SNTB2: variants seen among roughly 807,000 people sequenced by gnomAD.
SNTB2 encodes the protein beta-2-syntrophin.
SNTB2 carries 34 observed loss-of-function variants against 46.2 expected under a neutral mutation model. The observed-to-expected ratio is 0.74, with a 90% confidence interval of 0.56 to 0.98. The LOEUF (loss-of-function observed/expected upper bound fraction) is 0.98, where lower values mean the gene tolerates loss of function less well. SNTB2 is among the 50% of genes least tolerant of loss of function. SNTB2 has a pLI of 0.00. For missense variants in SNTB2, 603 were observed against 731.4 expected, an observed-to-expected ratio of 0.82 and a Z score of 2.02; for synonymous variants, 290 against 312.6, an observed-to-expected ratio of 0.93 and a Z score of 0.76.
chr16:69,288,688 G>A (rs778500888), intron 5 of SNTB2, among the ~76,000 whole-genome samples: 30 of 152,260 alleles, frequency 2.0e-4, no homozygotes, highest in Non-Finnish European at 2.6e-4. Flanking sequence ...CTACTATTGA[G>A]TATTTATCCA....
At chr16:69,281,350 G>A (rs1418444235) in intron 4 of SNTB2, among the ~76,000 whole-genome samples, 1 of 151,788 alleles carries the variant, frequency 6.6e-6, no homozygotes, top group East Asian at 1.9e-4. Context: ...TCCTGTCTCA[G>A]CCTCCTGAGT....
intron 4 of SNTB2, among the ~76,000 whole-genome samples, chr16:69,280,498 C>T (rs1403546810): frequency 3.3e-5 from 5 of 149,960 alleles, no homozygotes; most frequent in South Asian, 2.1e-4. Context: ...GGGCTGACCC[C>T]CCCACCTCCC....
intron 4 of SNTB2, among the ~76,000 whole-genome samples, chr16:69,277,933 G>A (rs1964997772): frequency 6.6e-6 from 1 of 152,218 alleles, no homozygotes; most frequent in Non-Finnish European, 1.5e-5. Flanking sequence ...TGTAATCCCT[G>A]CACTTTGGGA....
intron 4 of SNTB2, among the ~76,000 whole-genome samples, chr16:69,276,399 C>A (rs1485260867): frequency 1.3e-5 from 2 of 152,216 alleles, no homozygotes; most frequent in Admixed American, 6.5e-5. Context: ...GAATTAGATT[C>A]CCTTTGCCAA....
At chr16:69,259,601 T>C (rs1336137681) in intron 2 of SNTB2, among the ~76,000 whole-genome samples, 1 of 146,354 alleles carries the variant, frequency 6.8e-6, no homozygotes, top group African/African-American at 2.5e-5. Context: ...AGAGAAAGTA[T>C]CTTTTTTTTT....
At chr16:69,210,380 G>A (rs1344571850) in intron 1 of SNTB2, among the ~76,000 whole-genome samples, 2 of 151,498 alleles carry the variant, frequency 1.3e-5, no homozygotes, top group African/African-American at 2.4e-5. Context: ...TGGGATTACA[G>A]GCACGTGCTG....
chr16:69,226,692 G>T (rs1224074662), intron 1 of SNTB2, among the ~76,000 whole-genome samples: 2 of 152,068 alleles, frequency 1.3e-5, no homozygotes, highest in African/African-American at 2.4e-5. Context: ...ACCACATCAG[G>T]CTAATTTTTA....
chr16:69,253,338 AT>A (rs1267134966), intron 2 of SNTB2, among the ~76,000 whole-genome samples: 5 of 151,402 alleles, frequency 3.3e-5, no homozygotes, highest in Non-Finnish European at 5.9e-5. Flanking sequence ...AAATCGCAAA[AT>A]TTTTCTTTTC....
chr16:69,274,389 C>T (rs930111232), intron 4 of SNTB2, among the ~76,000 whole-genome samples: 5 of 151,602 alleles, frequency 3.3e-5, no homozygotes, highest in African/African-American at 2.4e-5. Flanking sequence ...CGTGGTGGCT[C>T]ACGCCTGTAA....
chr16:69,291,364 A>G (rs995307237), intron 5 of SNTB2, among the ~76,000 whole-genome samples: 2 of 152,186 alleles, frequency 1.3e-5, no homozygotes, highest in African/African-American at 4.8e-5. Flanking sequence ...CTCTGCCATT[A>G]GGTTCTTTAT....
Position 69,250,087 on chromosome 16 carries a change from A to T in SNTB2, c.794+4272A>T, listed in dbSNP as rs572054914. On this transcript the variant is annotated intron_variant, in intron 2 of 6. Transcript: ENST00000336278. ...TTGCAAAACTCTGTCTCAAAAAAAAATTTTTAAAAATAAAAAATTTTGCAA... is the reference window on the plus strand; with the variant it reads ...TTGCAAAACTCTGTCTCAAAAAAAATTTTTTAAAAATAAAAAATTTTGCAA... 3.9e-5 allele frequency among the ~76,000 whole-genome samples: 6 copies of T among 152,284 alleles called. No individual in the cohort carries two copies. In the South Asian group the frequency reaches 1.0e-3, roughly 26 times the overall value.
intron 3 of SNTB2, among the ~76,000 whole-genome samples, chr16:69,262,842 A>C (rs2143097090): frequency 6.6e-6 from 1 of 151,940 alleles, no homozygotes; most frequent in African/African-American, 2.4e-5. Context: ...ACACCCAGCT[A>C]ATTTTTGTAT....
chr16:69,287,766 C>T (rs1224513187), intron 5 of SNTB2, among the ~76,000 whole-genome samples: 2 of 151,652 alleles, frequency 1.3e-5, no homozygotes, highest in African/African-American at 2.4e-5. Flanking sequence ...TGGTGAGGCA[C>T]AAGAATTGCT....
chr16:69,214,300 TTTTTGTATTTTGTA>T lies in SNTB2; in HGVS notation c.580+26566_580+26579del, dbSNP rs766480912. Among the ~76,000 whole-genome samples the T allele has an allele frequency of 2.7e-5, 4 of 150,006 alleles. No homozygotes were observed. In the South Asian group the frequency reaches 8.4e-4, roughly 32 times the overall value. On this transcript the variant is annotated intron_variant, in intron 1 of 6. Coordinates refer to ENST00000336278, the MANE Select transcript of SNTB2 (RefSeq NM_006750.4). ...TGTGCACCACCACGCCTGGCTAATTTTTTTGTATTTTGTATTTTGTATTTTTCCATATAGACAGA... is the reference window on the plus strand; with the variant it reads ...TGTGCACCACCACGCCTGGCTAATTTTTTTGTATTTTTCCATATAGACAGA...
intron 1 of SNTB2, among the ~76,000 whole-genome samples, chr16:69,192,604 G>T (rs987528467): frequency 2.0e-5 from 3 of 152,178 alleles, no homozygotes; most frequent in Non-Finnish European, 2.9e-5. Flanking sequence ...TTAGAGAAAA[G>T]AGCTTTTGAA....
intron 1 of SNTB2, among the ~76,000 whole-genome samples, chr16:69,217,356 C>G (rs1964359541): frequency 6.6e-6 from 1 of 152,030 alleles, no homozygotes; most frequent in African/African-American, 2.4e-5. Flanking sequence ...CACCTGTAAT[C>G]CCAGGTACTT....
intron 1 of SNTB2, chr16:69,231,108 A>T (rs998578808): frequency 6.6e-6 from 1 of 152,204 alleles, no homozygotes; most frequent in Non-Finnish European, 1.5e-5. Flanking sequence ...GAAATTAAAT[A>T]AAGTCTTATC....
At chr16:69,246,757 CAG>C (rs1477951283) in intron 2 of SNTB2, among the ~76,000 whole-genome samples, 24 of 148,688 alleles carry the variant, frequency 1.6e-4, no homozygotes, top group African/African-American at 5.7e-4. Context: ...TTGGTCTATT[CAG>C]AGATTCAACT....
chr16:69,235,604 G>A, intron 1 of SNTB2: 1 of 1,087,840 alleles, frequency 9.2e-7, no homozygotes, highest in Non-Finnish European at 1.2e-6. Context: ...GAACTAAAAG[G>A]AAGGGAAAGG....
Sources: allele counts gnomAD v4.1 joint callset (sites outside exome capture counted in the v4.1 genomes callset), GRCh38; gene constraint gnomAD v4.1.1; transcripts MANE v1.5; gene names NCBI Gene and HGNC (gene_info 2026-07-23, HGNC 2026-07-21).